The following PCSK5 variants were observed in gnomAD, a reference collection of about 807,000 sequenced individuals.
The protein encoded by PCSK5 is proprotein convertase subtilisin/kexin type 5, also known as prohormone convertase 5.
PCSK5 carries 129 observed loss-of-function variants against 233.2 expected under a neutral mutation model. The ratio of observed to expected loss-of-function variants is 0.55; its 90% CI spans 0.48 to 0.64. The LOEUF is 0.64. PCSK5 is among the 30% of genes least tolerant of loss of function. The pLI, the probability that PCSK5 is intolerant of heterozygous loss-of-function variation, is 0.00. For synonymous variants in PCSK5, 825 were observed against 879.2 expected (o/e 0.94, Z 1.09); for missense variants, 2,076 against 2,430.1 (o/e 0.85, Z 3.06).
At chr9:76,349,126 T>C (rs767559384) in intron 35 of PCSK5, among the ~76,000 whole-genome samples, 1 of 150,868 alleles carries the variant, frequency 6.6e-6, no homozygotes, top group East Asian at 2.0e-4. Flanking sequence ...AAAAAAAAAT[T>C]AGCTGGGCGT....
At chr9:76,294,773 G>A (rs1348032958) in intron 25 of PCSK5, among the ~76,000 whole-genome samples, 2 of 152,116 alleles carry the variant, frequency 1.3e-5, no homozygotes, top group East Asian at 1.9e-4. Context: ...AAGAGTCCTT[G>A]GAGGTCCAGA....
chr9:76,351,517 A>G (rs1383417445), intron 36 of PCSK5, among the ~76,000 whole-genome samples: 97 of 122,104 alleles, frequency 7.9e-4, no homozygotes, highest in East Asian at 1.8e-3. Context: ...AGAAAGAAAG[A>G]AAGAAAGAAA....
At chr9:76,063,126 AT>A (rs767078697) in intron 5 of PCSK5, among the ~76,000 whole-genome samples, 2 of 148,466 alleles carry the variant, frequency 1.3e-5, no homozygotes, top group African/African-American at 2.5e-5. Flanking sequence ...TCAGGATTTA[AT>A]TTTTTTTTCT....
intron 36 of PCSK5, among the ~76,000 whole-genome samples, chr9:76,352,705 A>C (rs2131526419): frequency 6.6e-6 from 1 of 152,282 alleles, no homozygotes; most frequent in African/African-American, 2.4e-5. Flanking sequence ...CGAACTTTAG[A>C]TAATAAGTAA....
At chr9:76,039,046 A>C (rs1828985201) in intron 5 of PCSK5, among the ~76,000 whole-genome samples, 1 of 152,200 alleles carries the variant, frequency 6.6e-6, no homozygotes, top group Non-Finnish European at 1.5e-5. Flanking sequence ...ATTTGTTGAA[A>C]TCTTTGTAGC....
At chr9:76,232,004 C>A (rs985993271) in intron 21 of PCSK5, among the ~76,000 whole-genome samples, 2 of 152,166 alleles carry the variant, frequency 1.3e-5, no homozygotes, top group Non-Finnish European at 2.9e-5. Flanking sequence ...ATGACACAGA[C>A]TTTCAGGGTA....
chr9:76,302,182 A>T lies in PCSK5; in HGVS notation c.3569A>T (p.Gln1190Leu). The T allele has an allele frequency of 7.4e-7, 1 of 1,356,672 alleles. No individual in the cohort carries two copies. Among genetic ancestry groups the T allele is most frequent in the Non-Finnish European group, 9.8e-7 (1 of 1,017,818 alleles). 84.0% of individuals were successfully genotyped at this position (1,356,672 alleles called of 1,614,324 possible). ...ANLSVVKSLL[Q>L]ERRRWKVQIK... ...CTATCTGTGGTGAAGAGCCTGCTGC[A>T]GGAGCGACGAAGGTGGAAAGTTCAA... The change falls in exon 28 of 38, where the codon CAG (glutamine) becomes CTG (leucine). Residue 1190 changes from glutamine (Q) to leucine (L), a missense_variant. Gln to Leu is a moderately radical substitution (Grantham distance 113). Around this residue, in one of 6 missense-constraint regions of PCSK5, gnomAD observed 1,510 missense variants for 1,538.1 expected, o/e 0.98. Coordinates refer to ENST00000674117, the MANE Select transcript of PCSK5 (RefSeq NM_001372043.1).
chr9:76,262,451 A>T (rs2131361486), intron 24 of PCSK5, among the ~76,000 whole-genome samples: 1 of 152,178 alleles, frequency 6.6e-6, no homozygotes, highest in Admixed American at 6.5e-5. Flanking sequence ...GGAACAGAAC[A>T]GAGCCCTCAG....
At chr9:76,032,841 T>C (rs1828705503) in intron 5 of PCSK5, among the ~76,000 whole-genome samples, 1 of 152,220 alleles carries the variant, frequency 6.6e-6, no homozygotes, top group Non-Finnish European at 1.5e-5. Context: ...AGTTCTCTGC[T>C]TAAAAGTCAC....
intron 5 of PCSK5, among the ~76,000 whole-genome samples, chr9:76,051,779 C>A (rs1486232397): frequency 6.6e-6 from 1 of 152,142 alleles, no homozygotes; most frequent in East Asian, 1.9e-4. Flanking sequence ...GTAAAGGAGA[C>A]AATTTCCCAG....
At chr9:75,941,038 G>A (rs1435436376) in intron 2 of PCSK5, among the ~76,000 whole-genome samples, 1 of 152,278 alleles carries the variant, frequency 6.6e-6, no homozygotes, top group Admixed American at 6.5e-5. Flanking sequence ...ATTTCATGGG[G>A]TCTAGCGTAG....
At chr9:75,910,335 T>C (rs1822669444) in intron 1 of PCSK5, among the ~76,000 whole-genome samples, 1 of 152,228 alleles carries the variant, frequency 6.6e-6, no homozygotes, top group Non-Finnish European at 1.5e-5. Flanking sequence ...GGTAATTATG[T>C]ATATCCAAGA....
chr9:76,192,904 T>C (rs1824478120), intron 20 of PCSK5, among the ~76,000 whole-genome samples: 1 of 144,438 alleles, frequency 6.9e-6, no homozygotes, highest in Non-Finnish European at 1.5e-5. Context: ...GACTGTATAC[T>C]CTCTGCTCTA....
At chr9:76,198,289 G>A (rs1378661209) in intron 20 of PCSK5, among the ~76,000 whole-genome samples, 4 of 152,114 alleles carry the variant, frequency 2.6e-5, no homozygotes, top group Admixed American at 2.6e-4. Flanking sequence ...AAGATATTTT[G>A]TATCCCACTT....
At chr9:76,005,496 TCA>T (rs1172153466) in intron 3 of PCSK5, among the ~76,000 whole-genome samples, 8 of 152,240 alleles carry the variant, frequency 5.3e-5, no homozygotes, top group African/African-American at 1.9e-4. Context: ...TTCTTGGAAA[TCA>T]CTATATATTA....
rs574141441 is a variant in PCSK5 at position 76,133,483 on chromosome 9, A to G, written c.1209-626A>G. 1.5e-3 allele frequency among the ~76,000 whole-genome samples: 231 copies of G among 152,172 alleles called. 1 individual carries two copies. The highest frequency in any genetic ancestry group is 5.2e-3 in the African/African-American group (218 of 41,562). ...AGAACTAGGTGTCTAATAACACACT[A>G]TAATAACTACCCATTGCAAATTAAG... On this transcript the variant is annotated intron_variant, in intron 9 of 37. Coordinates refer to ENST00000674117, the MANE Select transcript of PCSK5 (RefSeq NM_001372043.1).
intron 29 of PCSK5, among the ~76,000 whole-genome samples, chr9:76,309,432 GC>G (rs1178090539): frequency 6.6e-6 from 1 of 152,210 alleles, no homozygotes; most frequent in African/African-American, 2.4e-5. Flanking sequence ...GATGGCTCAT[GC>G]CTGTAATCCC....
At chr9:76,101,589 C>G (rs1455453861) in intron 8 of PCSK5, among the ~76,000 whole-genome samples, 1 of 152,104 alleles carries the variant, frequency 6.6e-6, no homozygotes, top group African/African-American at 2.4e-5. Flanking sequence ...TGACTTTTTT[C>G]CCCCTAGTAA....
intron 24 of PCSK5, among the ~76,000 whole-genome samples, chr9:76,282,665 G>A (rs943099467): frequency 2.6e-5 from 4 of 152,096 alleles, no homozygotes; most frequent in African/African-American, 9.7e-5. Flanking sequence ...GGGTACATGT[G>A]CAGATTTATT....
Sources: gnomAD v4.1 joint callset for allele counts (sites outside exome capture counted in the v4.1 genomes callset) on GRCh38, gnomAD v4.1.1 for gene constraint, gnomAD v4.1.1 regional missense constraint, MANE v1.5 for transcripts, NCBI Gene and HGNC (gene_info 2026-07-23, HGNC 2026-07-21) for gene names.